Variants in EIF2AK2 observed in about 807,000 individuals in gnomAD.
EIF2AK2 encodes the protein eukaryotic translation initiation factor 2 alpha kinase 2, also known as interferon-induced, double-stranded RNA-activated protein kinase.
EIF2AK2 carries 40 observed loss-of-function variants against 70.5 expected under a neutral mutation model. The observed-to-expected ratio is 0.57, with a 90% CI of 0.44 to 0.74. The LOEUF is 0.74. Among genes scored for constraint, EIF2AK2 ranks in the 30% least tolerant of loss-of-function variants. The pLI is 0.00. For missense variants in EIF2AK2, 555 were observed against 644.3 expected (o/e 0.86, Z 1.50); for synonymous variants, 198 against 220.9 (o/e 0.90, Z 0.92).
chr2:37,141,766 T>C, intron 4 of EIF2AK2, 65 bp from the exon 5 acceptor site: 1 of 1,455,964 alleles, frequency 6.9e-7, no homozygotes. Context: ...TTAAAAATCA[T>C]TCTTCTAATA....
chr2:37,128,872 G>A lies in EIF2AK2; in HGVS notation c.786-2461C>T, dbSNP rs571928007. ...TGATTACCTGTCTCCTCACGGGCATGGACAAAAATGCCCATAAGGCAGTTA... is the reference window on the plus strand; with the variant it reads ...TGATTACCTGTCTCCTCACGGGCATAGACAAAAATGCCCATAAGGCAGTTA... On this transcript the variant is annotated intron_variant, in intron 10 of 16. Coordinates refer to ENST00000233057, the MANE Select transcript of EIF2AK2 (RefSeq NM_001135651.3). 3.5e-4 allele frequency among the ~76,000 whole-genome samples: 54 copies of A among 152,278 alleles called. 1 individual carries two copies. Among genetic ancestry groups the A allele is most frequent in the Non-Finnish European group, 4.4e-5 (3 of 68,032 alleles).
intron 1 of EIF2AK2, among the ~76,000 whole-genome samples, chr2:37,151,802 G>A (rs1010261425): frequency 6.6e-6 from 1 of 152,264 alleles, no homozygotes; most frequent in Admixed American, 6.5e-5. Context: ...GGATAGGCCA[G>A]GCGCCGTGGC....
chr2:37,150,275 A>C (rs1227210988), intron 1 of EIF2AK2, among the ~76,000 whole-genome samples: 2 of 152,188 alleles, frequency 1.3e-5, no homozygotes, highest in Non-Finnish European at 2.9e-5. Context: ...ACAGTTTGCC[A>C]TGAATAGAAA....
At chr2:37,141,516 A>G in intron 5 of EIF2AK2, 37 bp downstream of exon 5, 1 of 1,599,244 alleles carries the variant, frequency 6.3e-7, no homozygotes, top group Non-Finnish European at 8.5e-7. Context: ...TTGCTTAAAT[A>G]CAATGAAACA....
In EIF2AK2 at chr2:37,128,004, A is replaced by C. The variant is rs538099293; in HGVS notation, c.786-1593T>G. ...TGATCCATCCGCCTCAGCCTCCCAA[A>C]GTGCTGGGATAACAGGCATGAGCCA... On this transcript the variant is annotated intron_variant, in intron 10 of 16. Coordinates refer to ENST00000233057, the MANE Select transcript of EIF2AK2 (RefSeq NM_001135651.3). Among the ~76,000 whole-genome samples, 3 of 152,244 alleles carry C rather than the reference A, an allele frequency of 2.0e-5. No homozygotes were observed. The East Asian group carries it at 5.8e-4, about 29-fold the overall frequency.
At chr2:37,115,214 GTTTTTTTTTT>G (rs747138117) in intron 13 of EIF2AK2, 2 of 109,192 alleles carry the variant, frequency 1.8e-5, no homozygotes, top group Non-Finnish European at 3.3e-5. Context: ...TGCCCGGCTA[GTTTTTTTTTT>G]TTTTTTTTTT....
At chr2:37,117,771 C>T (rs1477572690) in intron 13 of EIF2AK2, among the ~76,000 whole-genome samples, 1 of 152,114 alleles carries the variant, frequency 6.6e-6, no homozygotes, top group Non-Finnish European at 1.5e-5. Context: ...CCCTATGTCC[C>T]TTCCCAGCGC....
At position 37,109,179 on chromosome 2, in the gene EIF2AK2, TTGAGA is replaced by T; in HGVS notation, c.1479+10_1479+14del. 1 of 1,612,174 alleles carries T rather than the reference TTGAGA, an allele frequency of 6.2e-7. No individual in the cohort carries two copies. Among genetic ancestry groups the T allele is most frequent in the South Asian group, 1.1e-5 (1 of 90,872 alleles). Reference sequence around the variant, plus strand: ...TAATTTTTCTTGTTTAATTCTTTCTTTGAGATAATTTTACCTTTGATGTTTCAAAA... The same window carrying T: ...TAATTTTTCTTGTTTAATTCTTTCTTTAATTTTACCTTTGATGTTTCAAAA... On this transcript the variant is annotated intron_variant, in intron 15 of 16. Coordinates refer to ENST00000233057, the MANE Select transcript of EIF2AK2 (RefSeq NM_001135651.3).
chr2:37,108,701 T>G (rs1674045463), intron 15 of EIF2AK2, among the ~76,000 whole-genome samples: 2 of 152,062 alleles, frequency 1.3e-5, no homozygotes, highest in African/African-American at 4.8e-5. Context: ...CCCTGAGTAG[T>G]TGGGATTACA....
intron 8 of EIF2AK2, 115 bp from the exon 9 acceptor site, chr2:37,137,132 C>G (rs182515954): frequency 1.3e-6 from 1 of 790,146 alleles, no homozygotes; most frequent in East Asian, 2.9e-5. Context: ...CTTAGTCCAT[C>G]AATGTCTGTA....
intron 15 of EIF2AK2, among the ~76,000 whole-genome samples, chr2:37,108,702 T>C (rs1674045678): frequency 6.6e-6 from 1 of 152,138 alleles, no homozygotes; most frequent in Non-Finnish European, 1.5e-5. Context: ...CCTGAGTAGT[T>C]GGGATTACAG....
intron 1 of EIF2AK2, among the ~76,000 whole-genome samples, chr2:37,153,845 T>G (rs898598838): frequency 6.6e-6 from 1 of 152,204 alleles, no homozygotes; most frequent in African/African-American, 2.4e-5. Context: ...GGTATATAAG[T>G]GGAATTGAAT....
chr2:37,155,518 G>C (rs1675891080), intron 1 of EIF2AK2, among the ~76,000 whole-genome samples: 1 of 152,210 alleles, frequency 6.6e-6, no homozygotes, highest in Admixed American at 6.5e-5. Context: ...TGATGCTGGA[G>C]GGTCAGCTAG....
chr2:37,118,035 C>T (rs114033105), intron 13 of EIF2AK2, among the ~76,000 whole-genome samples: 1 of 151,992 alleles, frequency 6.6e-6, no homozygotes, highest in African/African-American at 2.4e-5. Flanking sequence ...AGGCCGGGTG[C>T]AGTGGAGCAC....
intron 4 of EIF2AK2, among the ~76,000 whole-genome samples, chr2:37,145,897 C>T (rs1428621291): frequency 2.6e-5 from 4 of 151,242 alleles, no homozygotes; most frequent in East Asian, 1.9e-4. Flanking sequence ...GGATTACAGG[C>T]GTCCACCACC....
At chr2:37,128,361 C>T (rs1674817698) in intron 10 of EIF2AK2, among the ~76,000 whole-genome samples, 1 of 152,192 alleles carries the variant, frequency 6.6e-6, no homozygotes, top group Non-Finnish European at 1.5e-5. Flanking sequence ...TGGATCAATT[C>T]TAATTCCCAC....
At chr2:37,150,035 G>A (rs1245585017) in intron 1 of EIF2AK2, among the ~76,000 whole-genome samples, 1 of 151,792 alleles carries the variant, frequency 6.6e-6, no homozygotes, top group African/African-American at 2.4e-5. Flanking sequence ...TCATGGGAAT[G>A]TTCTTCCTGC....
chr2:37,112,472 G>C (rs1259303897), intron 14 of EIF2AK2, among the ~76,000 whole-genome samples: 1 of 152,178 alleles, frequency 6.6e-6, no homozygotes, highest in African/African-American at 2.4e-5. Context: ...TGATGCAATT[G>C]CTATCAAAAC....
At chr2:37,113,349 G>A (rs921986867) in intron 14 of EIF2AK2, among the ~76,000 whole-genome samples, 14 of 151,892 alleles carry the variant, frequency 9.2e-5, no homozygotes, top group African/African-American at 3.1e-4. Context: ...ACAAAACTTA[G>A]CTGGGCATGG....
Sources: allele counts gnomAD v4.1 joint callset (sites outside exome capture counted in the v4.1 genomes callset), GRCh38; gene constraint gnomAD v4.1.1; transcripts MANE v1.5; gene names NCBI Gene and HGNC (gene_info 2026-07-23, HGNC 2026-07-21).